NRXN1: variants seen among roughly 807,000 people sequenced by gnomAD.
The protein encoded by NRXN1 is neurexin-1.
A neutral mutation model predicts 150.9 loss-of-function variants in NRXN1; 39 were observed. The observed-to-expected ratio is 0.26, with a 90% CI of 0.20 to 0.34. The LOEUF (loss-of-function observed/expected upper bound fraction) is 0.34, where lower values mean the gene tolerates loss of function less well. Ranked by LOEUF, NRXN1 falls within the 10% of genes least tolerant of loss-of-function variation. The pLI is 1.00. For synonymous variants in NRXN1, 924 were observed against 757.0 expected (o/e 1.22, Z -3.62); for missense variants, 1,815 against 1,949.9 (o/e 0.93, Z 1.30).
At chr2:50,100,689 G>A (rs1472854658) in intron 18 of NRXN1, among the ~76,000 whole-genome samples, 2 of 152,016 alleles carry the variant, frequency 1.3e-5, no homozygotes, top group African/African-American at 2.4e-5. Flanking sequence ...CAGATATCAC[G>A]ATAGCTGTAG....
chr2:50,378,592 T>C (rs1180123045), intron 17 of NRXN1, among the ~76,000 whole-genome samples: 4 of 152,250 alleles, frequency 2.6e-5, no homozygotes, highest in Middle Eastern at 3.4e-3. Context: ...TGCACCACCG[T>C]AAAGTTGAAA....
At chr2:50,101,454 G>C (rs1269375467) in intron 18 of NRXN1, among the ~76,000 whole-genome samples, 1 of 151,942 alleles carries the variant, frequency 6.6e-6, no homozygotes, top group East Asian at 1.9e-4. Flanking sequence ...TCATTTTCCA[G>C]GAGACCTGAC....
At chr2:49,978,840 C>G (rs1046164398) in intron 21 of NRXN1, among the ~76,000 whole-genome samples, 1 of 151,950 alleles carries the variant, frequency 6.6e-6, no homozygotes, top group South Asian at 2.1e-4. Flanking sequence ...AATAGTCCAA[C>G]TCCTTCGTTT....
chr2:50,615,556 A>ACC (rs1470156764), intron 8 of NRXN1: 1 of 152,122 alleles, frequency 6.6e-6, no homozygotes, highest in Non-Finnish European at 1.5e-5. Context: ...GAGCGCCATG[A>ACC]CCCTTCCTGA....
At chr2:50,794,963 G>T (rs1205687389) in intron 5 of NRXN1, among the ~76,000 whole-genome samples, 1 of 151,982 alleles carries the variant, frequency 6.6e-6, no homozygotes, top group African/African-American at 2.4e-5. Flanking sequence ...ACCTACTTAG[G>T]TGTCAAATAA....
In NRXN1 at chr2:50,495,975, G is replaced by A; in HGVS notation, c.3000C>T (p.Leu1000=). Residue 1000 remains leucine (L), a synonymous_variant, in exon 15 of 23, where the codon CTC becomes CTT. Transcript: ENST00000401669. ...TTTTTGTGTCAATCTTTACAGTGTG[G>A]AGGTTGCTGGTGTCCCTTGATATCA... ...NVMISRDTSN[L]HTVKIDTKIT... is the part of the protein sequence containing the mutation. 1.2e-6 allele frequency: 2 copies of A among 1,613,562 alleles called. No individual in the cohort carries two copies. The highest frequency in any genetic ancestry group is 1.7e-6 in the Non-Finnish European group (2 of 1,179,734).
chr2:51,000,980 C>A (rs1179593716), intron 2 of NRXN1, among the ~76,000 whole-genome samples: 1 of 151,782 alleles, frequency 6.6e-6, no homozygotes, highest in Admixed American at 6.6e-5. Flanking sequence ...GAAAGTAGGG[C>A]ATAAAGCGCT....
chr2:50,595,878 T>G (rs1675117695), intron 8 of NRXN1, among the ~76,000 whole-genome samples: 1 of 152,184 alleles, frequency 6.6e-6, no homozygotes, highest in South Asian at 2.1e-4. Flanking sequence ...ATGCAAAAAA[T>G]AAGCAAAAGC....
chr2:50,180,722 C>T (rs11887975), intron 18 of NRXN1, among the ~76,000 whole-genome samples: 33,687 of 151,952 alleles, frequency 0.22, 4,446 homozygotes, highest in East Asian at 0.4. Flanking sequence ...TTGAACTTCC[C>T]AGCCTCTAGA....
At chr2:50,120,618 G>A (rs772652663) in intron 18 of NRXN1, among the ~76,000 whole-genome samples, 7 of 152,000 alleles carry the variant, frequency 4.6e-5, no homozygotes, top group Non-Finnish European at 8.8e-5. Flanking sequence ...TTTAAATATA[G>A]ATATATATTT....
intron 18 of NRXN1, among the ~76,000 whole-genome samples, chr2:50,134,127 T>C (rs1706000118): frequency 6.6e-6 from 1 of 152,102 alleles, no homozygotes; most frequent in African/African-American, 2.4e-5. Context: ...GACTTCAAAG[T>C]AGTCCAAGGG....
At chr2:50,736,830 G>A (rs1314307961) in intron 5 of NRXN1, among the ~76,000 whole-genome samples, 1 of 152,050 alleles carries the variant, frequency 6.6e-6, no homozygotes, top group Non-Finnish European at 1.5e-5. Context: ...TATCAAAGAG[G>A]GCAGAAACCA....
chr2:50,209,457 T>C (rs1157636870), intron 18 of NRXN1, among the ~76,000 whole-genome samples: 1 of 152,154 alleles, frequency 6.6e-6, no homozygotes, highest in Non-Finnish European at 1.5e-5. Flanking sequence ...GGAGCCTTCA[T>C]TTTACAAACG....
chr2:50,055,657 G>A (rs1222367720), intron 19 of NRXN1, among the ~76,000 whole-genome samples: 1 of 152,160 alleles, frequency 6.6e-6, no homozygotes, highest in Non-Finnish European at 1.5e-5. Flanking sequence ...ACAAGAGAAT[G>A]CATCTTGCAT....
intron 17 of NRXN1, among the ~76,000 whole-genome samples, chr2:50,426,719 T>C (rs926568069): frequency 6.6e-6 from 1 of 152,168 alleles, no homozygotes; most frequent in Non-Finnish European, 1.5e-5. Flanking sequence ...TCACTGCAAA[T>C]TCAGTCCCTG....
chr2:50,235,763 A>G (rs1309737657), intron 18 of NRXN1, among the ~76,000 whole-genome samples: 1 of 152,036 alleles, frequency 6.6e-6, no homozygotes, highest in Non-Finnish European at 1.5e-5. Flanking sequence ...ACAAACTTCC[A>G]TGGTCGCTTA....
At chr2:50,466,333 A>G in intron 16 of NRXN1, 1 of 380,662 alleles carries the variant, frequency 2.6e-6, no homozygotes, top group Non-Finnish European at 5.2e-6. Flanking sequence ...CACAACGTTC[A>G]AGAAAGGAAA....
intron 2 of NRXN1, among the ~76,000 whole-genome samples, chr2:50,975,233 T>G: frequency 6.6e-6 from 1 of 152,164 alleles, no homozygotes; most frequent in East Asian, 1.9e-4. Context: ...CTTTAATTTC[T>G]AATACAGTAA....
chr2:50,639,479 C>T (rs574862221), intron 5 of NRXN1, among the ~76,000 whole-genome samples: 9 of 151,954 alleles, frequency 5.9e-5, no homozygotes, highest in African/African-American at 1.7e-4. Context: ...TCTCAGCCTC[C>T]CAAAGTGCTA....
Sources: gnomAD v4.1 joint callset for allele counts (sites outside exome capture counted in the v4.1 genomes callset) on GRCh38, gnomAD v4.1.1 for gene constraint, MANE v1.5 for transcripts, NCBI Gene and HGNC (gene_info 2026-07-23, HGNC 2026-07-21) for gene names.